The following SHMT2 variants were observed in gnomAD, a reference collection of about 807,000 sequenced individuals.
SHMT2 encodes serine hydroxymethyltransferase 2.
SHMT2 carries 38 observed loss-of-function variants against 59.6 expected under a neutral mutation model. The observed-to-expected ratio is 0.64, with a 90% CI of 0.49 to 0.84. The LOEUF (loss-of-function observed/expected upper bound fraction) is 0.84. SHMT2 is among the 40% of genes least tolerant of loss of function. The pLI is 0.00. For missense variants in SHMT2, 533 were observed against 659.5 expected (o/e 0.81, Z 2.10); for synonymous variants, 254 against 258.1 (o/e 0.98, Z 0.15).
At position 57,233,684 on chromosome 12, in the gene SHMT2, G is replaced by A. The variant is rs565782053; in HGVS notation, c.1123+22G>A. On this transcript the variant is annotated intron_variant, in intron 9 of 11. Coordinates refer to ENST00000328923, the MANE Select transcript of SHMT2 (RefSeq NM_005412.6). ...TCAGGTAAGCCAGCAGGTGATGGGT[G>A]AGGGCCTCTGTAGCTTCAGGCAGAG... The A allele has an allele frequency of 1.3e-5, 21 of 1,612,374 alleles. No homozygotes were observed. In the South Asian group the frequency reaches 2.0e-4, roughly 15 times the overall value.
In SHMT2 at chr12:57,232,687, C is replaced by A; in HGVS notation, c.718-17C>A. 1 of 1,606,774 alleles carries A rather than the reference C, an allele frequency of 6.2e-7. No homozygotes were observed. The highest frequency in any genetic ancestry group is 8.5e-7 in the Non-Finnish European group (1 of 1,174,336). ...GGGCCCTCCCCAGGCTGAGGCCTTG[C>A]CTCTGTACCTGCCCAGGTGTGTGAT... is the stretch of plus-strand genomic sequence containing the variant. On this transcript the variant is annotated splice_polypyrimidine_tract_variant and intron_variant, in intron 6 of 11. Coordinates refer to ENST00000328923, the MANE Select transcript of SHMT2 (RefSeq NM_005412.6).
intron 8 of SHMT2, 90 bp downstream of exon 8, chr12:57,233,435 A>G (rs1486618622): frequency 6.6e-7 from 1 of 1,510,526 alleles, no homozygotes; most frequent in Non-Finnish European, 9.0e-7. Context: ...GGGCTGATGG[A>G]AGGGAAATGC....
chr12:57,232,569 G>T lies in SHMT2; in HGVS notation c.711G>T (p.Met237Ile). The T allele has an allele frequency of 6.2e-7, 1 of 1,614,156 alleles. No homozygotes were observed. Among genetic ancestry groups the T allele is most frequent in the Non-Finnish European group, 8.5e-7 (1 of 1,180,014 alleles). The change falls in exon 6 of 12, where the codon ATG (methionine) becomes ATT (isoleucine). Residue 237 changes from methionine (M) to isoleucine (I), a missense_variant. By Grantham distance (10) the Met-to-Ile change is conservative. Transcript: ENST00000328923. ...AYARLIDYAR[M>I]REVCDEVKAH... ...CTCGCCTCATTGACTACGCCCGCAT[G>T]AGAGAGGTTGGTGGGGGGGGCTGGA...
intron 7 of SHMT2, 106 bp from the exon 8 acceptor site, chr12:57,233,074 C>A: frequency 7.4e-7 from 1 of 1,352,442 alleles, no homozygotes; most frequent in Non-Finnish European, 1.0e-6. Flanking sequence ...TGTACCAAGC[C>A]CACGTGAGCT....
At position 57,234,416 on chromosome 12, in the gene SHMT2, T is replaced by C; in HGVS notation, c.*55T>C. ...CAAAGTTACTCTCCTTCCCCCTACC[T>C]GGGCCAGTGAAATAGAAAGCCTTTC... is the stretch of plus-strand genomic sequence containing the variant. On this transcript the variant is annotated 3_prime_UTR_variant, in exon 12 of 12. Transcript: ENST00000328923. 6.6e-7 allele frequency: 1 copy of C among 1,508,818 alleles called. No homozygotes were observed. Among genetic ancestry groups the C allele is most frequent in the Non-Finnish European group, 8.9e-7 (1 of 1,128,282 alleles). The allele number at this position is 1,508,818 out of a possible 1,614,324, so 93.5% of individuals were successfully genotyped here.
chr12:57,232,404 G>C, intron 5 of SHMT2, 49 bp from the exon 6 acceptor site: 1 of 1,614,036 alleles, frequency 6.2e-7, no homozygotes, highest in Non-Finnish European at 8.5e-7. Context: ...AGGAGAGTGA[G>C]CTGCCCTGCT....
At chr12:57,230,557 T>G in intron 1 of SHMT2, 1 of 1,382,424 alleles carries the variant, frequency 7.2e-7, no homozygotes, top group Non-Finnish European at 9.4e-7. Flanking sequence ...GTTCATGGAG[T>G]GAGGTGGTGG....
intron 1 of SHMT2, chr12:57,230,449 AC>A: frequency 8.4e-7 from 1 of 1,184,058 alleles, no homozygotes; most frequent in South Asian, 1.8e-5. Flanking sequence ...CTGCAGGAAG[AC>A]CCTCTTGTTC....
intron 1 of SHMT2, 35 bp downstream of exon 1, chr12:57,229,846 G>A (rs1565768014): frequency 6.2e-7 from 1 of 1,613,376 alleles, no homozygotes; most frequent in Non-Finnish European, 8.5e-7. Flanking sequence ...GGTAATCAGT[G>A]GAAAGGAAGC....
chr12:57,231,019 G>C lies in SHMT2; in HGVS notation c.231+19G>C, dbSNP rs771360201. The stretch of plus-strand genomic sequence containing the variant: ...CTCAGAGGTGGGACCTGGGGAGATG[G>C]GCAGGGGTTGGGCCACCATGGGTAC... On this transcript the variant is annotated intron_variant, in intron 2 of 11. Transcript: ENST00000328923. The C allele has an allele frequency of 6.8e-6, 11 of 1,611,626 alleles. No homozygotes were observed. In the African/African-American group the frequency reaches 1.2e-4, roughly 18 times the overall value.
At position 57,233,757 on chromosome 12, in the gene SHMT2, G is replaced by A; in HGVS notation, c.1132G>A (p.Asp378Asn). ...RGYSLVSGGT[D>N]NHLVLVDLRP... ...TTTCTTACCCACCTTAGGTGGTACT[G>A]ACAACCACCTGGTGCTGGTGGACCT... The change falls in exon 10 of 12, where the codon GAC (aspartate) becomes AAC (asparagine). Residue 378 changes from aspartate (D) to asparagine (N), a missense_variant. Coordinates refer to ENST00000328923, the MANE Select transcript of SHMT2 (RefSeq NM_005412.6). 6.2e-7 allele frequency: 1 copy of A among 1,614,188 alleles called. No individual in the cohort carries two copies. The highest frequency in any genetic ancestry group is 8.5e-7 in the Non-Finnish European group (1 of 1,180,006).
At position 57,232,582 on chromosome 12, in the gene SHMT2, G is replaced by C. The variant is rs762366335; in HGVS notation, c.717+7G>C. On this transcript the variant is annotated splice_region_variant and intron_variant, in intron 6 of 11. Transcript: ENST00000328923. ...CTACGCCCGCATGAGAGAGGTTGGT[G>C]GGGGGGGCTGGAGACTGGGCACCTC... 2 of 1,612,274 alleles carry C rather than the reference G, an allele frequency of 1.2e-6. No homozygotes were observed. Among genetic ancestry groups the C allele is most frequent in the South Asian group, 1.1e-5 (1 of 91,028 alleles).
chr12:57,232,214 C>T lies in SHMT2; in HGVS notation c.516C>T (p.Leu172=), dbSNP rs756683146. Residue 172 remains leucine, a synonymous_variant, in exon 5 of 12, where the codon CTC becomes CTT. Coordinates refer to ENST00000328923, the MANE Select transcript of SHMT2 (RefSeq NM_005412.6). Reference sequence around the variant, plus strand: ...CTTACTTCCTCTCACTTCGCAGTCTCACCCACGGCTACATGTCTGACGTCA... The same window carrying T: ...CTTACTTCCTCTCACTTCGCAGTCTTACCCACGGCTACATGTCTGACGTCA... ...MGLDLPDGGH[L]THGYMSDVKR... is the part of the protein sequence containing the mutation. 8.1e-6 allele frequency: 13 copies of T among 1,614,006 alleles called. No homozygotes were observed. The African/African-American group carries it at 1.7e-4, about 22-fold the overall frequency.
chr12:57,230,992 G>A lies in SHMT2; in HGVS notation c.223G>A (p.Ala75Thr), dbSNP rs773986530. ...DRQCRGLELI[A>T]SENFCSRAAL... The stretch of plus-strand genomic sequence containing the variant: ...GCAGTGTCGTGGCCTGGAGCTCATT[G>A]CCTCAGAGGTGGGACCTGGGGAGAT... The change falls in exon 2 of 12, where the codon GCC (alanine) becomes ACC (threonine). Residue 75 changes from alanine to threonine, a missense_variant. Coordinates refer to ENST00000328923, the MANE Select transcript of SHMT2 (RefSeq NM_005412.6). 1.4e-5 allele frequency: 22 copies of A among 1,613,430 alleles called. No homozygotes were observed. Among genetic ancestry groups the A allele is most frequent in the Non-Finnish European group, 1.8e-5 (21 of 1,180,008 alleles).
chr12:57,231,423 T>G, intron 2 of SHMT2, 58 bp from the exon 3 acceptor site: 15 of 1,562,110 alleles, frequency 9.6e-6, no homozygotes, highest in Non-Finnish European at 1.3e-5. Flanking sequence ...AGGGAGGGAC[T>G]GTGGGAGTCC....
In SHMT2 at chr12:57,231,833, C is replaced by T; in HGVS notation, c.432C>T (p.Ser144=). 6.2e-7 allele frequency: 1 copy of T among 1,614,110 alleles called. No homozygotes were observed. The highest frequency in any genetic ancestry group is 8.5e-7 in the Non-Finnish European group (1 of 1,180,012). Residue 144 remains serine (S), a synonymous_variant, in exon 4 of 12, where the codon TCC becomes TCT. Coordinates refer to ENST00000328923, the MANE Select transcript of SHMT2 (RefSeq NM_005412.6). ...WGVNVQPYSG[S]PANLAVYTAL... ...TCAATGTCCAGCCCTACTCCGGGTC[C>T]CCAGCCAACCTGGCCGTCTACACAG...
chr12:57,230,409 C>G, intron 1 of SHMT2: 1 of 1,151,012 alleles, frequency 8.7e-7, no homozygotes. Context: ...GCCTCTTCCC[C>G]CGCTGACTGG....
rs568584154 is a variant in SHMT2 at position 57,230,352 on chromosome 12, C to T, written c.34-451C>T. ...CACGGACTGCTAAAGGTCTCCCCTC[C>T]CACCTGCATTGCTCTACAATCTGTG... On this transcript the variant is annotated intron_variant, in intron 1 of 11. Transcript: ENST00000328923. 18 of 1,139,734 alleles carry T rather than the reference C, an allele frequency of 1.6e-5. No homozygotes were observed. In the Admixed American group the frequency reaches 6.9e-4, roughly 44 times the overall value. 70.6% of individuals were successfully genotyped at this position (1,139,734 alleles called of 1,614,324 possible). A position where few individuals can be genotyped will look rare whatever the true frequency, so the allele number is the denominator to read the frequency against.
chr12:57,234,037 G>C lies in SHMT2; in HGVS notation c.1314G>C (p.Glu438Asp). 2 of 1,614,212 alleles carry C rather than the reference G, an allele frequency of 1.2e-6. No individual in the cohort carries two copies. The highest frequency in any genetic ancestry group is 1.7e-6 in the Non-Finnish European group (2 of 1,180,048). Residue 438 changes from glutamate (E) to aspartate (D), a missense_variant, in exon 11 of 12, where the codon GAG (glutamate) becomes GAC (aspartate). Glu to Asp is a conservative substitution (Grantham distance 45). Coordinates refer to ENST00000328923, the MANE Select transcript of SHMT2 (RefSeq NM_005412.6). ...APALTSRQFR[E>D]DDFRRVVDFI... is the part of the protein sequence containing the mutation. Reference sequence around the variant, plus strand: ...CCTTAACTTCTCGACAGTTCCGTGAGGATGACTTCCGGAGAGTTGTGGACT... The same window carrying C: ...CCTTAACTTCTCGACAGTTCCGTGACGATGACTTCCGGAGAGTTGTGGACT...
Sources: allele counts gnomAD v4.1 joint callset, GRCh38; gene constraint gnomAD v4.1.1; transcripts MANE v1.5; gene names NCBI Gene and HGNC (gene_info 2026-07-23, HGNC 2026-07-21).